The following PRDX1 variants were observed in gnomAD, a reference collection of about 807,000 sequenced individuals.
PRDX1 encodes the protein peroxiredoxin 1.
Under a neutral mutation model 20.7 loss-of-function variants are expected in PRDX1, and 19 were observed. The observed-to-expected ratio is 0.92, with a 90% confidence interval of 0.64 to 1.35. PRDX1 has a LOEUF of 1.35. Among genes scored for constraint, PRDX1 ranks in the 40% most tolerant of loss-of-function variants. The probability of loss-of-function intolerance (pLI) is 0.00; values close to 1 mark genes in which losing one functional copy is unlikely to be tolerated. For synonymous variants in PRDX1, 89 were observed against 83.9 expected (o/e 1.06, Z -0.33); for missense variants, 226 against 240.0 (o/e 0.94, Z 0.38).
intron 1 of PRDX1, among the ~76,000 whole-genome samples, chr1:45,519,808 G>A (rs1203959477): frequency 6.6e-6 from 1 of 152,104 alleles, no homozygotes; most frequent in Non-Finnish European, 1.5e-5. Flanking sequence ...ATGTTGGTCA[G>A]GCTAGTCTCA....
In PRDX1 at chr1:45,518,952, A is replaced by G. The variant is rs1643884479; in HGVS notation, c.92T>C (p.Leu31Pro). ...MPDGQFKDIS[L>P]SDYKGKYVVF... is the part of the protein sequence containing the mutation. ...AATTCTCTCACCTTTGTAGTCAGAC[A>G]GGCTGATATCTTTAAACTGACCATC... The change falls in exon 2 of 6, where the codon CTG becomes CCG. Residue 31 changes from leucine to proline, a missense_variant. Leu to Pro is a moderately conservative substitution (Grantham distance 98). Coordinates refer to ENST00000319248, the MANE Select transcript of PRDX1 (RefSeq NM_181697.3). 6.2e-7 allele frequency: 1 copy of G among 1,602,128 alleles called. No homozygotes were observed. Among genetic ancestry groups the G allele is most frequent in the South Asian group, 1.1e-5 (1 of 88,794 alleles).
At position 45,511,374 on chromosome 1, in the gene PRDX1, CT is replaced by C; in HGVS notation, c.554del (p.Lys185SerfsTer30). ...ATTCTTTGCTCTTTTGGACATCAGG[CT>C]TGATGGTATCACTGCCAGGTTTCCA... ...AGWKPGSDTI[K>X]PDVQKSKEYF... On this transcript the variant is annotated frameshift_variant, in exon 6 of 6. Coordinates refer to ENST00000319248, the MANE Select transcript of PRDX1 (RefSeq NM_181697.3). LOFTEE classifies it high-confidence loss of function. The C allele has an allele frequency of 1.2e-6, 2 of 1,613,292 alleles. No individual in the cohort carries two copies. Among genetic ancestry groups the C allele is most frequent in the Non-Finnish European group, 1.7e-6 (2 of 1,179,698 alleles).
chr1:45,514,331 C>T (rs35644134), intron 5 of PRDX1, among the ~76,000 whole-genome samples, 176 bp downstream of exon 5: 190 of 152,184 alleles, frequency 1.2e-3, no homozygotes, highest in African/African-American at 4.5e-3. Context: ...CGGCGGGATC[C>T]TCTGTATGCT....
At chr1:45,522,438 C>G (rs1242061485), upstream of PRDX1, among the ~76,000 whole-genome samples, 1 of 152,238 alleles carries the variant, frequency 6.6e-6, no homozygotes. Context: ...CCTAAACTTA[C>G]GCCAGAGGGA....
At chr1:45,513,907 CG>C (rs1643806866) in intron 5 of PRDX1, among the ~76,000 whole-genome samples, 1 of 152,038 alleles carries the variant, frequency 6.6e-6, no homozygotes, top group African/African-American at 2.4e-5. Flanking sequence ...AAGACCTGAC[CG>C]GGGTCCCCCA....
At chr1:45,520,071 G>A (rs1643895278) in intron 1 of PRDX1, among the ~76,000 whole-genome samples, 1 of 152,016 alleles carries the variant, frequency 6.6e-6, no homozygotes, top group Non-Finnish European at 1.5e-5. Flanking sequence ...CGGGCGTGGT[G>A]GTGCATGCCT....
In PRDX1 at chr1:45,514,747, C is replaced by T. The variant is rs1557613303; in HGVS notation, c.384-110G>A. On this transcript the variant is annotated intron_variant, in intron 4 of 5. Coordinates refer to ENST00000319248, the MANE Select transcript of PRDX1 (RefSeq NM_181697.3). ...GGACTGGTCTCCACACTCCTACTGG[C>T]CTGGCCTTAGTGAGGAGGCCCCTGC... 3 of 1,567,064 alleles carry T rather than the reference C, an allele frequency of 1.9e-6. No homozygotes were observed. The East Asian group carries it at 6.7e-5, about 35-fold the overall frequency.
chr1:45,516,244 T>C (rs560551899), intron 2 of PRDX1, among the ~76,000 whole-genome samples: 1 of 152,360 alleles, frequency 6.6e-6, no homozygotes, highest in South Asian at 2.1e-4. Flanking sequence ...AGTCACAGCC[T>C]TTGCACTTCT....
At chr1:45,521,160 C>T (rs1206375996) in intron 1 of PRDX1, among the ~76,000 whole-genome samples, 1 of 152,170 alleles carries the variant, frequency 6.6e-6, no homozygotes, top group African/African-American at 2.4e-5. Flanking sequence ...AAGTACAAAA[C>T]CCAACCAATT....
chr1:45,514,367 A>C (rs1292153051), intron 5 of PRDX1, 140 bp downstream of exon 5: 2 of 1,102,708 alleles, frequency 1.8e-6, no homozygotes, highest in African/African-American at 1.6e-5. Context: ...GGGCCCCCTT[A>C]TTTCTTTCTC....
intron 3 of PRDX1, 66 bp from the exon 4 acceptor site, chr1:45,515,061 C>G: frequency 6.3e-7 from 1 of 1,576,356 alleles, no homozygotes; most frequent in Non-Finnish European, 8.6e-7. Context: ...ATTCCTCTTT[C>G]CCCTTTCCCA....
intron 5 of PRDX1, among the ~76,000 whole-genome samples, chr1:45,513,709 T>C (rs1200777688): frequency 6.6e-6 from 1 of 152,234 alleles, no homozygotes; most frequent in African/African-American, 2.4e-5. Context: ...CTGTGCAAGA[T>C]ATGCTTTGTT....
intron 5 of PRDX1, 116 bp from the exon 6 acceptor site, chr1:45,511,530 G>A (rs1643745213): frequency 1.4e-6 from 1 of 739,158 alleles, no homozygotes; most frequent in African/African-American, 1.8e-5. Context: ...ACCTACCCCT[G>A]CAATCAGTCT....
rs182829184 is a variant in PRDX1, at chr1:45,515,648, A to T, written c.260+6T>A. The T allele has an allele frequency of 7.4e-5, 115 of 1,558,040 alleles. No individual in the cohort carries two copies. The African/African-American group carries it at 1.4e-3, about 19-fold the overall frequency. On this transcript the variant is annotated splice_donor_region_variant and intron_variant, in intron 3 of 5. Transcript: ENST00000319248. The stretch of plus-strand genomic sequence containing the variant: ...GTTCACATGCCAAATAGACCAAGAG[A>T]TTTACCATGCTAGATGACAGAAGTG...
At chr1:45,514,041 C>T (rs552810482) in intron 5 of PRDX1, among the ~76,000 whole-genome samples, 1 of 152,278 alleles carries the variant, frequency 6.6e-6, no homozygotes, top group East Asian at 1.9e-4. Context: ...CAGTGTAAAA[C>T]CCAATTGTAT....
In PRDX1 at chr1:45,515,816, A is replaced by C. The variant is rs199654232; in HGVS notation, c.107-9T>G. 1.9e-6 allele frequency: 3 copies of C among 1,547,294 alleles called. No individual in the cohort carries two copies. The highest frequency in any genetic ancestry group is 1.7e-6 in the Non-Finnish European group (2 of 1,152,506). On this transcript the variant is annotated splice_polypyrimidine_tract_variant and intron_variant, in intron 2 of 5. Transcript: ENST00000319248. Reference sequence around the variant, plus strand: ...GAACACAACATATTTTCCTGGGGGGAAAATCGGAGTCATGGTTAGCATTTG... The same window carrying C: ...GAACACAACATATTTTCCTGGGGGGCAAATCGGAGTCATGGTTAGCATTTG...
At chr1:45,514,191 T>C (rs893954784) in intron 5 of PRDX1, among the ~76,000 whole-genome samples, 1 of 152,206 alleles carries the variant, frequency 6.6e-6, no homozygotes, top group Admixed American at 6.5e-5. Context: ...ACCTTGTTCA[T>C]GATGCAGAGA....
At chr1:45,511,583 C>T in intron 5 of PRDX1, 169 bp from the exon 6 acceptor site, 1 of 444,670 alleles carries the variant, frequency 2.2e-6, no homozygotes, top group East Asian at 3.4e-5. Context: ...ATTTTACAAA[C>T]ATATAATCAT....
At chr1:45,516,212 T>C (rs768547960) in intron 2 of PRDX1, among the ~76,000 whole-genome samples, 1 of 152,262 alleles carries the variant, frequency 6.6e-6, no homozygotes, top group Non-Finnish European at 1.5e-5. Flanking sequence ...TCCTCTGCTG[T>C]AGAGATAAGA....
Sources: gnomAD v4.1 joint callset for allele counts (sites outside exome capture counted in the v4.1 genomes callset) on GRCh38, gnomAD v4.1.1 for gene constraint, MANE v1.5 for transcripts, NCBI Gene and HGNC (gene_info 2026-07-23, HGNC 2026-07-21) for gene names.